Variants in C1QTNF3 observed in about 807,000 individuals in gnomAD.
The protein encoded by C1QTNF3 is C1q and TNF related 3, also known as complement C1q tumor necrosis factor-related protein 3.
A neutral mutation model predicts 32.6 loss-of-function variants in C1QTNF3; 26 were observed. The ratio of observed to expected loss-of-function variants is 0.80; its 90% confidence interval spans 0.58 to 1.11. The LOEUF (loss-of-function observed/expected upper bound fraction) is 1.11, where lower values mean the gene tolerates loss of function less well. C1QTNF3 is among the 50% of genes least tolerant of loss of function. C1QTNF3 has a pLI of 0.00. For synonymous variants in C1QTNF3, 155 were observed against 146.0 expected, an observed-to-expected ratio of 1.06 and a Z score of -0.44; for missense variants, 362 against 398.2, an observed-to-expected ratio of 0.91 and a Z score of 0.77.
chr5:34,110,928 AT>A, the C1QTNF3 span, among the ~76,000 whole-genome samples: 2 of 147,564 alleles, frequency 1.4e-5, no homozygotes, highest in African/African-American at 5.4e-5. Context: ...AAAAAAAATT[AT>A]TAGAAGATTC....
At chr5:34,092,746 T>G in the C1QTNF3 span, among the ~76,000 whole-genome samples, 558 of 152,038 alleles carry the variant, frequency 3.7e-3, 6 homozygotes, top group African/African-American at 0.013. Flanking sequence ...CCAGAGTATT[T>G]CCCCAGAGGT....
In C1QTNF3 at chr5:34,042,865, G is replaced by A. The variant is rs752972223; in HGVS notation, c.261C>T (p.Pro87=). The A allele has an allele frequency of 1.2e-5, 19 of 1,614,008 alleles. No homozygotes were observed. Among genetic ancestry groups the A allele is most frequent in the African/African-American group, 4.0e-5 (3 of 74,892 alleles). Residue 87 remains proline (P), a synonymous_variant, in exon 1 of 6, where the codon CCC becomes CCT. Transcript: ENST00000382065. ...KSLRPDELPH[P]EVDDLAQITT... is the part of the protein sequence containing the mutation. ...TGATCTGGGCTAGGTCATCTACCTC[G>A]GGGTGCGGTAGCTCATCTGGTCTCA...
chr5:34,134,043 A>G, the C1QTNF3 span, among the ~76,000 whole-genome samples: 1 of 152,220 alleles, frequency 6.6e-6, no homozygotes, highest in Admixed American at 6.5e-5. Flanking sequence ...ACTTGATGAT[A>G]ATTATAACAG....
At chr5:34,060,470 TA>T in the C1QTNF3 span, among the ~76,000 whole-genome samples, 5 of 152,238 alleles carry the variant, frequency 3.3e-5, no homozygotes, top group Middle Eastern at 3.4e-3. Flanking sequence ...AAATTTGTTA[TA>T]AAAAATTAAA....
At chr5:34,154,711 G>C in the C1QTNF3 span, among the ~76,000 whole-genome samples, 4 of 152,086 alleles carry the variant, frequency 2.6e-5, no homozygotes, top group Non-Finnish European at 5.9e-5. Flanking sequence ...CTGCAAATTT[G>C]TATCATCTGG....
At chr5:34,195,551 CAT>C in the C1QTNF3 span, among the ~76,000 whole-genome samples, 1 of 152,066 alleles carries the variant, frequency 6.6e-6, no homozygotes, top group Non-Finnish European at 1.5e-5. Flanking sequence ...CCTCAAAATT[CAT>C]ATGATAGGCC....
the C1QTNF3 span, among the ~76,000 whole-genome samples, chr5:34,129,589 T>C: frequency 2.0e-5 from 3 of 152,142 alleles, no homozygotes; most frequent in Admixed American, 6.5e-5. Flanking sequence ...ATGTAAGTGA[T>C]TATAATCTGT....
the C1QTNF3 span, among the ~76,000 whole-genome samples, chr5:34,162,138 C>T: frequency 6.6e-5 from 10 of 152,164 alleles, no homozygotes; most frequent in East Asian, 1.4e-3. Flanking sequence ...ATACTCATAA[C>T]AGACTCTCAC....
the C1QTNF3 span, among the ~76,000 whole-genome samples, chr5:34,175,127 T>A: frequency 6.7e-6 from 1 of 149,002 alleles, no homozygotes; most frequent in Admixed American, 6.8e-5. Context: ...TACTGCAGCC[T>A]CCAACTCCTG....
chr5:34,018,515 T>C lies in C1QTNF3; in HGVS notation c.*2068A>G, dbSNP rs139364533. On this transcript the variant is annotated 3_prime_UTR_variant, in exon 6 of 6. Transcript: ENST00000382065. ...GGTAAGAATTGTACTTTAAATGCCA[T>C]AGGAGTGCCTGGAATAGCACAGTAT... is the stretch of plus-strand genomic sequence containing the variant. Among the ~76,000 whole-genome samples the C allele has an allele frequency of 6.6e-6, 1 of 152,310 alleles. No individual in the cohort carries two copies. The highest frequency in any genetic ancestry group is 2.4e-5 in the African/African-American group (1 of 41,568).
At chr5:34,235,149 T>C in the C1QTNF3 span, among the ~76,000 whole-genome samples, 4 of 152,168 alleles carry the variant, frequency 2.6e-5, no homozygotes, top group African/African-American at 7.2e-5. Flanking sequence ...TGATTAGTTC[T>C]TTGCTTCAGG....
the C1QTNF3 span, among the ~76,000 whole-genome samples, chr5:34,109,898 T>C: frequency 6.6e-6 from 1 of 152,288 alleles, no homozygotes; most frequent in South Asian, 2.1e-4. Context: ...GGTCTGCACT[T>C]CCTCACGGTA....
At chr5:34,074,749 C>G in the C1QTNF3 span, among the ~76,000 whole-genome samples, 1 of 151,584 alleles carries the variant, frequency 6.6e-6, no homozygotes, top group Non-Finnish European at 1.5e-5. Context: ...CTGGTTGTCC[C>G]TGGCTGGAAG....
chr5:34,216,406 G>A, the C1QTNF3 span, among the ~76,000 whole-genome samples: 4 of 152,200 alleles, frequency 2.6e-5, no homozygotes, highest in African/African-American at 9.6e-5. Context: ...GATGTTTTGT[G>A]TACTTTGAAG....
At chr5:34,135,235 G>A in the C1QTNF3 span, among the ~76,000 whole-genome samples, 1 of 152,162 alleles carries the variant, frequency 6.6e-6, no homozygotes, top group African/African-American at 2.4e-5. Context: ...ATTTGTGTAT[G>A]TTGAACCAGC....
chr5:34,060,098 C>A, the C1QTNF3 span, among the ~76,000 whole-genome samples: 1 of 152,232 alleles, frequency 6.6e-6, no homozygotes, highest in Non-Finnish European at 1.5e-5. Context: ...GTTATACCAG[C>A]TTTCTCAAAG....
chr5:34,058,783 G>C, the C1QTNF3 span, among the ~76,000 whole-genome samples: 207 of 152,300 alleles, frequency 1.4e-3, no homozygotes, highest in African/African-American at 4.5e-3. Context: ...CATGCTGTTT[G>C]TCATTCTGCA....
chr5:34,208,231 GATTT>G, the C1QTNF3 span, among the ~76,000 whole-genome samples: 4 of 152,192 alleles, frequency 2.6e-5, no homozygotes, highest in Non-Finnish European at 2.9e-5. Context: ...CTAAAATGTA[GATTT>G]ATTTTATCAC....
At chr5:34,109,699 G>C in the C1QTNF3 span, among the ~76,000 whole-genome samples, 2 of 152,230 alleles carry the variant, frequency 1.3e-5, no homozygotes, top group Non-Finnish European at 2.9e-5. Flanking sequence ...AGCCCAAAGT[G>C]ATAGGGAACT....
Sources: allele counts gnomAD v4.1 joint callset (sites outside exome capture counted in the v4.1 genomes callset), GRCh38; gene constraint gnomAD v4.1.1; transcripts MANE v1.5; gene names NCBI Gene and HGNC (gene_info 2026-07-23, HGNC 2026-07-21).